Variants in CCDC39 observed in about 807,000 individuals in gnomAD.
CCDC39 encodes coiled-coil domain 39 molecular ruler complex subunit, also known as coiled-coil domain-containing protein 39.
Under a neutral mutation model 121.0 loss-of-function variants are expected in CCDC39, and 113 were observed. The ratio of observed to expected loss-of-function variants is 0.93; its 90% CI spans 0.80 to 1.09. The LOEUF (loss-of-function observed/expected upper bound fraction) is 1.09. CCDC39 is among the 50% of genes least tolerant of loss of function. CCDC39 has a pLI of 0.00. For synonymous variants in CCDC39, 349 were observed against 352.2 expected (o/e 0.99, Z 0.10); for missense variants, 1,063 against 1,074.7 (o/e 0.99, Z 0.15).
chr3:180,656,536 T>C (rs1711584532), intron 6 of CCDC39, among the ~76,000 whole-genome samples: 1 of 152,140 alleles, frequency 6.6e-6, no homozygotes, highest in Admixed American at 6.5e-5. Flanking sequence ...TCCAATATGC[T>C]ACCGTCAGAG....
intron 1 of CCDC39, among the ~76,000 whole-genome samples, chr3:180,670,074 C>T (rs1479102249): frequency 6.6e-6 from 1 of 151,972 alleles, no homozygotes; most frequent in Non-Finnish European, 1.5e-5. Flanking sequence ...GATTTTTTCT[C>T]CTCATAACGG....
intron 17 of CCDC39, 23 bp downstream of exon 17, chr3:180,616,803 C>T: frequency 6.2e-7 from 1 of 1,602,504 alleles, no homozygotes; most frequent in Non-Finnish European, 8.5e-7. Flanking sequence ...TATGAAAGGT[C>T]AGTTTTTAAA....
chr3:180,668,356 G>A lies in CCDC39; in HGVS notation c.91-4370C>T, dbSNP rs545048350. Among the ~76,000 whole-genome samples, 8 of 152,090 alleles carry A rather than the reference G, an allele frequency of 5.3e-5. No individual in the cohort carries two copies. The East Asian group carries it at 1.3e-3, about 26-fold the overall frequency. On this transcript the variant is annotated intron_variant, in intron 1 of 19. Coordinates refer to ENST00000476379, the MANE Select transcript of CCDC39 (RefSeq NM_181426.2). The stretch of plus-strand genomic sequence containing the variant: ...ATCATGCCACTGCACTCTAGCCTGC[G>A]CAAAAAAATGAGACCCTGTCTCAAA...
At chr3:180,621,265 C>A (rs562286724) in intron 14 of CCDC39, among the ~76,000 whole-genome samples, 4 of 152,122 alleles carry the variant, frequency 2.6e-5, no homozygotes, top group African/African-American at 9.6e-5. Context: ...GATTTCTATT[C>A]TTTTGTGTAG....
intron 13 of CCDC39, among the ~76,000 whole-genome samples, chr3:180,640,707 A>T (rs1423087350): frequency 1.3e-5 from 2 of 152,126 alleles, no homozygotes; most frequent in Non-Finnish European, 2.9e-5. Flanking sequence ...AGAGAAAAAT[A>T]GAATTTACCA....
chr3:180,654,395 G>T (rs531000043), intron 7 of CCDC39, among the ~76,000 whole-genome samples: 16 of 151,376 alleles, frequency 1.1e-4, no homozygotes, highest in Non-Finnish European at 2.1e-4. Context: ...ATGATTTTTT[G>T]AATTTGACAC....
rs1213948878 is a variant in CCDC39, at chr3:180,670,225, A to G, written c.91-6239T>C. 3.9e-5 allele frequency among the ~76,000 whole-genome samples: 6 copies of G among 152,262 alleles called. 1 individual carries two copies. The highest frequency in any genetic ancestry group is 3.9e-4 in the Admixed American group (6 of 15,298). On this transcript the variant is annotated intron_variant, in intron 1 of 19. Transcript: ENST00000476379. ...ATGACAACCACTGCCTTGTAAAAAAAAAATTATGTAATATACTTAATATTT... is the reference window on the plus strand; with the variant it reads ...ATGACAACCACTGCCTTGTAAAAAAGAAATTATGTAATATACTTAATATTT...
At chr3:180,661,468 G>A (rs1034085420) in intron 3 of CCDC39, among the ~76,000 whole-genome samples, 2 of 151,992 alleles carry the variant, frequency 1.3e-5, no homozygotes, top group Non-Finnish European at 2.9e-5. Context: ...GTAGTTTAAT[G>A]TTAGAGTCAC....
intron 10 of CCDC39, 54 bp downstream of exon 10, chr3:180,648,111 C>T (rs1288746828): frequency 7.2e-7 from 1 of 1,389,998 alleles, no homozygotes. Context: ...CGTATCTTGA[C>T]CATCACAACT....
chr3:180,651,586 T>C (rs1718210191), intron 8 of CCDC39, 53 bp from the exon 9 acceptor site: 2 of 1,444,280 alleles, frequency 1.4e-6, no homozygotes, highest in Non-Finnish European at 9.2e-7. Context: ...AAGCATTTCA[T>C]ACAAACAAAT....
chr3:180,629,319 A>G (rs928875301), intron 14 of CCDC39, among the ~76,000 whole-genome samples: 1 of 152,234 alleles, frequency 6.6e-6, no homozygotes, highest in African/African-American at 2.4e-5. Context: ...TATCTTTTCT[A>G]CAGAGCAGAG....
Position 180,660,554 on chromosome 3 carries a change from A to T in CCDC39, c.516+16T>A. 1.9e-6 allele frequency: 3 copies of T among 1,552,654 alleles called. No individual in the cohort carries two copies. Among genetic ancestry groups the T allele is most frequent in the Non-Finnish European group, 2.6e-6 (3 of 1,142,968 alleles). On this transcript the variant is annotated intron_variant, in intron 4 of 19. Transcript: ENST00000476379. ...AGTTAGAGAAAACCTAACAGTTACA[A>T]TTTGTAATTTCTCACCCTGATTTTA...
chr3:180,644,621 T>C (rs1217170435), intron 11 of CCDC39, among the ~76,000 whole-genome samples: 2 of 152,208 alleles, frequency 1.3e-5, no homozygotes, highest in South Asian at 2.1e-4. Flanking sequence ...AAGTCCCTTA[T>C]ATAAAATGGC....
intron 14 of CCDC39, 46 bp downstream of exon 14, chr3:180,631,420 TAAC>T (rs756524636): frequency 3.5e-4 from 528 of 1,509,268 alleles, no homozygotes; most frequent in Middle Eastern, 2.2e-3. Flanking sequence ...ATGAATGAGT[TAAC>T]AAAGAAAATT....
chr3:180,677,159 ATAATAATTTTATATATATATATATAT>A (rs1712242069), intron 1 of CCDC39, among the ~76,000 whole-genome samples: 4 of 92,822 alleles, frequency 4.3e-5, no homozygotes, highest in African/African-American at 2.0e-4. Context: ...AATAATAATA[ATAATAATTTTATATATATATATATAT>A]ATATATATAT....
intron 7 of CCDC39, among the ~76,000 whole-genome samples, chr3:180,652,626 A>T (rs1711507538): frequency 6.6e-6 from 1 of 152,142 alleles, no homozygotes; most frequent in Non-Finnish European, 1.5e-5. Flanking sequence ...AAAATCTCAA[A>T]AGATTCTAAT....
chr3:180,673,654 T>C (rs1294300725), intron 1 of CCDC39, among the ~76,000 whole-genome samples: 1 of 152,158 alleles, frequency 6.6e-6, no homozygotes, highest in Non-Finnish European at 1.5e-5. Context: ...ACTCACAATA[T>C]CTTGAAGGTA....
intron 11 of CCDC39, among the ~76,000 whole-genome samples, chr3:180,646,288 A>C (rs1345013123): frequency 1.3e-5 from 2 of 152,052 alleles, no homozygotes; most frequent in Non-Finnish European, 2.9e-5. Flanking sequence ...GAAGAAAAAA[A>C]AAAAGTAATA....
At chr3:180,658,239 C>CAA (rs35457943) in intron 6 of CCDC39, among the ~76,000 whole-genome samples, 17 of 106,204 alleles carry the variant, frequency 1.6e-4, no homozygotes, top group African/African-American at 4.5e-4. Context: ...AACTCAGTTT[C>CAA]AAAAAAAAAA....
Sources: gnomAD v4.1 joint callset for allele counts (sites outside exome capture counted in the v4.1 genomes callset) on GRCh38, gnomAD v4.1.1 for gene constraint, MANE v1.5 for transcripts, NCBI Gene and HGNC (gene_info 2026-07-23, HGNC 2026-07-21) for gene names.